Variants in CEP85 observed in about 807,000 individuals in gnomAD.
CEP85 encodes centrosomal protein of 85 kDa.
In CEP85, 58 loss-of-function variants were observed where a neutral mutation model predicts 93.7. The observed-to-expected ratio is 0.62, with a 90% CI of 0.50 to 0.77. CEP85 has a LOEUF of 0.77. CEP85 is among the 30% of genes least tolerant of loss of function. The probability of loss-of-function intolerance (pLI) is 0.00; values close to 1 mark genes in which losing one functional copy is unlikely to be tolerated. For missense variants in CEP85, 868 were observed against 922.0 expected (o/e 0.94, Z 0.76); for synonymous variants, 314 against 338.6 (o/e 0.93, Z 0.80).
intron 3 of CEP85, among the ~76,000 whole-genome samples, chr1:26,253,289 A>G (rs146137920): frequency 8.3e-4 from 126 of 152,096 alleles, no homozygotes; most frequent in African/African-American, 2.8e-3. Context: ...TTGAGGAGCT[A>G]CATACTCCAT....
intron 10 of CEP85, chr1:26,271,420 TACAGAAACCCTTGAATTGA>T: frequency 4.3e-6 from 1 of 233,712 alleles, no homozygotes; most frequent in South Asian, 6.7e-5. Flanking sequence ...CTCAGGCCCA[TACAGAAACCCTTGAATTGA>T]ACAGAGTTCT....
At chr1:26,277,104 A>AG (rs1278539358) in intron 13 of CEP85, 32 bp from the exon 14 acceptor site, 8 of 1,604,216 alleles carry the variant, frequency 5.0e-6, no homozygotes, top group African/African-American at 1.3e-5. Flanking sequence ...CTCATAACTA[A>AG]CATTCTCTTG....
At chr1:26,244,351 T>C in intron 3 of CEP85, 33 bp downstream of exon 3, 1 of 1,590,876 alleles carries the variant, frequency 6.3e-7, no homozygotes, top group Non-Finnish European at 8.6e-7. Flanking sequence ...ATTACCAATA[T>C]GTGTTCTCAT....
At chr1:26,268,762 C>A in intron 8 of CEP85, 127 bp downstream of exon 8, 1 of 968,254 alleles carries the variant, frequency 1.0e-6, no homozygotes, top group African/African-American at 1.7e-5. Flanking sequence ...CAGTCATGTC[C>A]AGATTCATAA....
chr1:26,256,314 G>A (rs2089700376), intron 4 of CEP85, among the ~76,000 whole-genome samples: 1 of 152,102 alleles, frequency 6.6e-6, no homozygotes, highest in Non-Finnish European at 1.5e-5. Flanking sequence ...GGGAGGCCGA[G>A]GCGGGCAGGA....
At position 26,255,490 on chromosome 1, in the gene CEP85, G is replaced by A. The variant is rs34867486; in HGVS notation, c.528G>A (p.Ala176=). 3.7e-3 allele frequency: 5,944 copies of A among 1,614,070 alleles called. 155 individuals carry two copies. In the African/African-American group the frequency reaches 0.065, roughly 18 times the overall value. ...PAVGHERQEE[A]RKFDIPSMES... is the part of the protein sequence containing the mutation. ...TGGGCCATGAAAGACAAGAAGAGGCGAGGAAGTTTGATATTCCTAGCATGG... is the reference window on the plus strand; with the variant it reads ...TGGGCCATGAAAGACAAGAAGAGGCAAGGAAGTTTGATATTCCTAGCATGG... The change falls in exon 4 of 14, where the codon GCG becomes GCA. Residue 176 remains alanine, a synonymous_variant. Coordinates refer to ENST00000451429, the MANE Select transcript of CEP85 (RefSeq NM_001319944.2).
At position 26,254,333 on chromosome 1, in the gene CEP85, A is replaced by G. The variant is rs565751221; in HGVS notation, c.209-838A>G. Among the ~76,000 whole-genome samples the G allele has an allele frequency of 2.3e-4, 35 of 152,292 alleles. 1 individual carries two copies. In the South Asian group the frequency reaches 7.0e-3, roughly 31 times the overall value. On this transcript the variant is annotated intron_variant, in intron 3 of 13. Transcript: ENST00000451429. ...GTACTTGAAAGTTGGAAATAGGTAG[A>G]AATGTGAACCTTGTATAGTAGGGCT...
At chr1:26,275,122 C>T in intron 12 of CEP85, 51 bp downstream of exon 12, 1 of 1,362,978 alleles carries the variant, frequency 7.3e-7, no homozygotes, top group Non-Finnish European at 1.0e-6. Context: ...AACCCGATTT[C>T]TTTGTTTGCC....
intron 7 of CEP85, among the ~76,000 whole-genome samples, chr1:26,260,571 C>A (rs1425793272): frequency 6.6e-6 from 1 of 151,890 alleles, no homozygotes; most frequent in African/African-American, 2.4e-5. Flanking sequence ...TTAGAATTGC[C>A]TTAGGTTTAA....
intron 3 of CEP85, among the ~76,000 whole-genome samples, chr1:26,252,265 GC>G (rs2124576963): frequency 6.6e-6 from 1 of 151,332 alleles, no homozygotes; most frequent in East Asian, 1.9e-4. Flanking sequence ...GGGGGCAGTG[GC>G]TCACACCTGT....
intron 8 of CEP85, 154 bp from the exon 9 acceptor site, chr1:26,269,306 G>A (rs1431865845): frequency 1.5e-6 from 1 of 667,454 alleles, no homozygotes; most frequent in Non-Finnish European, 2.6e-6. Context: ...TGTTCCATCT[G>A]CGAGGAGCAC....
intron 3 of CEP85, 81 bp from the exon 4 acceptor site, chr1:26,255,090 C>G: frequency 8.5e-7 from 1 of 1,171,272 alleles, no homozygotes. Flanking sequence ...CAGGACAGGC[C>G]GAGAGCTTCT....
chr1:26,248,722 CTTTTTTTTTTTT>C (rs573449499), intron 3 of CEP85, among the ~76,000 whole-genome samples: 1 of 56,194 alleles, frequency 1.8e-5, no homozygotes, highest in African/African-American at 8.1e-5. Flanking sequence ...GTCTTGAACT[CTTTTTTTTTTTT>C]TTTTTTTTTT....
intron 7 of CEP85, among the ~76,000 whole-genome samples, chr1:26,265,943 C>CA (rs1266591029): frequency 1.4e-4 from 21 of 151,834 alleles, no homozygotes; most frequent in Non-Finnish European, 2.6e-4. Flanking sequence ...CTCGGTGGCT[C>CA]ACGCCTGTAA....
chr1:26,271,813 C>T, intron 10 of CEP85: 1 of 589,198 alleles, frequency 1.7e-6, no homozygotes, highest in South Asian at 2.1e-5. Context: ...CTGTATAAAC[C>T]TTTGTGATTG....
intron 11 of CEP85, among the ~76,000 whole-genome samples, chr1:26,273,662 C>T (rs1256643117): frequency 3.3e-5 from 5 of 151,988 alleles, no homozygotes; most frequent in African/African-American, 4.8e-5. Context: ...TTTGGGAGGC[C>T]GAGGTGGGCA....
rs67466493 is a variant in CEP85, at chr1:26,238,202, C to CTTTT, written c.-22-1547_-22-1544dup. ...TATGTTCTGTGAATTGTCCCAAACT[C>CTTTT]TTTTTTTTTTTTTTTTGAGACGGAG... On this transcript the variant is annotated intron_variant, in intron 1 of 13. Coordinates refer to ENST00000451429, the MANE Select transcript of CEP85 (RefSeq NM_001319944.2). 3.4e-5 allele frequency among the ~76,000 whole-genome samples: 3 copies of CTTTT among 88,294 alleles called. 1 individual carries two copies. Among genetic ancestry groups the CTTTT allele is most frequent in the Non-Finnish European group, 6.4e-5 (3 of 46,572 alleles). The allele number at this position is 88,294 out of a possible 152,430, so 57.9% of individuals were successfully genotyped here.
intron 2 of CEP85, 35 bp from the exon 3 acceptor site, chr1:26,244,127 CTGGT>C: frequency 6.3e-7 from 1 of 1,598,294 alleles, no homozygotes; most frequent in Non-Finnish European, 8.5e-7. Flanking sequence ...GTTACATCAG[CTGGT>C]TCACAGTAAA....
chr1:26,245,353 A>C (rs941919468), intron 3 of CEP85, among the ~76,000 whole-genome samples: 1 of 152,000 alleles, frequency 6.6e-6, no homozygotes, highest in Non-Finnish European at 1.5e-5. Flanking sequence ...GGTTTCTGAT[A>C]CTGGGGCTCT....
Sources: gnomAD v4.1 joint callset for allele counts (sites outside exome capture counted in the v4.1 genomes callset) on GRCh38, gnomAD v4.1.1 for gene constraint, MANE v1.5 for transcripts, NCBI Gene and HGNC (gene_info 2026-07-23, HGNC 2026-07-21) for gene names.